Variants in SLC10A7 observed in about 807,000 individuals in gnomAD.
The protein encoded by SLC10A7 is sodium/bile acid cotransporter 7.
A neutral mutation model predicts 43.2 loss-of-function variants in SLC10A7; 29 were observed. The observed-to-expected ratio is 0.67, with a 90% CI of 0.50 to 0.92. The LOEUF is 0.92. Ranked by LOEUF, SLC10A7 falls within the 40% of genes least tolerant of loss-of-function variation. SLC10A7 has a pLI of 0.00. For missense variants in SLC10A7, 295 were observed against 403.2 expected, an observed-to-expected ratio of 0.73 and a Z score of 2.30; for synonymous variants, 152 against 144.8, an observed-to-expected ratio of 1.05 and a Z score of -0.35.
At chr4:146,378,219 G>A (rs555032478) in intron 5 of SLC10A7, among the ~76,000 whole-genome samples, 19 of 152,098 alleles carry the variant, frequency 1.2e-4, no homozygotes, top group Non-Finnish European at 2.6e-4. Flanking sequence ...GCTTTCTTGC[G>A]CCAAAAAAGG....
intron 5 of SLC10A7, among the ~76,000 whole-genome samples, chr4:146,409,739 C>A (rs981650619): frequency 6.6e-6 from 1 of 152,010 alleles, no homozygotes; most frequent in Non-Finnish European, 1.5e-5. Context: ...AGAAATAGAG[C>A]CGTTGTCCTA....
chr4:146,486,290 C>A (rs1240488016), intron 4 of SLC10A7, among the ~76,000 whole-genome samples: 1 of 152,060 alleles, frequency 6.6e-6, no homozygotes, highest in Admixed American at 6.5e-5. Flanking sequence ...TTAAAGCTAG[C>A]CTTTTAATAG....
chr4:146,267,268 C>G (rs1365962213), intron 10 of SLC10A7, among the ~76,000 whole-genome samples: 5 of 152,290 alleles, frequency 3.3e-5, no homozygotes, highest in Admixed American at 3.3e-4. Context: ...CCTGTGAGAT[C>G]AGTCTGGTGC....
chr4:146,401,991 C>CA (rs1739257025), intron 5 of SLC10A7, among the ~76,000 whole-genome samples: 1 of 152,072 alleles, frequency 6.6e-6, no homozygotes, highest in Non-Finnish European at 1.5e-5. Flanking sequence ...ACCACCACTA[C>CA]AAAAAATGTA....
At chr4:146,419,219 G>A (rs1272153260) in intron 5 of SLC10A7, among the ~76,000 whole-genome samples, 3 of 152,188 alleles carry the variant, frequency 2.0e-5, no homozygotes, top group Non-Finnish European at 4.4e-5. Flanking sequence ...CCAGGAGGTT[G>A]GGAAATGGGA....
At chr4:146,334,135 G>T (rs777864758) in intron 5 of SLC10A7, among the ~76,000 whole-genome samples, 1 of 152,050 alleles carries the variant, frequency 6.6e-6, no homozygotes, top group East Asian at 1.9e-4. Context: ...AACTGGGGAT[G>T]CACAGACTCA....
intron 4 of SLC10A7, among the ~76,000 whole-genome samples, chr4:146,469,652 TG>T (rs1023384493): frequency 1.1e-4 from 17 of 152,254 alleles, no homozygotes; most frequent in Admixed American, 1.1e-3. Flanking sequence ...ATGTATTTAT[TG>T]GGTCTTCCTC....
intron 5 of SLC10A7, among the ~76,000 whole-genome samples, chr4:146,343,762 T>A (rs930607972): frequency 4.0e-5 from 6 of 151,888 alleles, no homozygotes; most frequent in Non-Finnish European, 8.8e-5. Flanking sequence ...ATGTTTAACA[T>A]CAATAAAAAA....
chr4:146,461,942 A>G (rs2149938529), intron 4 of SLC10A7, among the ~76,000 whole-genome samples: 1 of 152,100 alleles, frequency 6.6e-6, no homozygotes, highest in Admixed American at 6.6e-5. Flanking sequence ...CAGGAAAATT[A>G]CATCAGCCCC....
At chr4:146,331,367 G>A (rs7691153) in intron 5 of SLC10A7, among the ~76,000 whole-genome samples, 124,538 of 152,208 alleles carry the variant, frequency 0.82, 51,763 homozygotes, top group African/African-American at 0.95. Context: ...GACTATAAAA[G>A]TATATGTTAA....
At chr4:146,485,253 C>T (rs1378321544) in intron 4 of SLC10A7, among the ~76,000 whole-genome samples, 2 of 152,170 alleles carry the variant, frequency 1.3e-5, no homozygotes, top group Admixed American at 6.5e-5. Flanking sequence ...GATACAGCTG[C>T]TGTCCACTGA....
intron 3 of SLC10A7, among the ~76,000 whole-genome samples, chr4:146,508,530 T>C (rs1392763360): frequency 5.9e-5 from 9 of 152,220 alleles, no homozygotes; most frequent in African/African-American, 2.2e-4. Context: ...CCTCCTAACC[T>C]AGTTTTCCCC....
chr4:146,495,313 G>A (rs1014636172), intron 4 of SLC10A7, among the ~76,000 whole-genome samples: 6 of 152,186 alleles, frequency 3.9e-5, no homozygotes, highest in South Asian at 2.1e-4. Flanking sequence ...TTGCTAAAGC[G>A]GAGAAAGTGA....
At chr4:146,287,105 A>AGTGGTGAGAAGGACCGT (rs1560764788) in intron 9 of SLC10A7, among the ~76,000 whole-genome samples, 7 of 66,396 alleles carry the variant, frequency 1.1e-4, no homozygotes, top group Non-Finnish European at 2.1e-4. Flanking sequence ...AGAAGGACCG[A>AGTGGTGAGAAGGACCGT]GTCTGGAGTG....
intron 5 of SLC10A7, among the ~76,000 whole-genome samples, chr4:146,357,258 T>C (rs1735724672): frequency 6.6e-6 from 1 of 152,230 alleles, no homozygotes; most frequent in South Asian, 2.1e-4. Flanking sequence ...ATTTATTCCT[T>C]ATTTTTAAGT....
At chr4:146,335,659 G>A (rs74436964) in intron 5 of SLC10A7, among the ~76,000 whole-genome samples, 9,923 of 151,966 alleles carry the variant, frequency 0.065, 430 homozygotes, top group South Asian at 0.19. Flanking sequence ...GCCCATTATT[G>A]CTCCCATCAA....
chr4:146,372,950 C>G (rs1476489859), intron 5 of SLC10A7, among the ~76,000 whole-genome samples: 1 of 152,058 alleles, frequency 6.6e-6, no homozygotes, highest in Non-Finnish European at 1.5e-5. Context: ...TTTTGATTTG[C>G]TAGAATCCAT....
intron 4 of SLC10A7, among the ~76,000 whole-genome samples, chr4:146,474,900 T>G (rs1733896764): frequency 6.6e-6 from 1 of 152,142 alleles, no homozygotes; most frequent in African/African-American, 2.4e-5. Context: ...TTCCTATATT[T>G]GAAATAAGCC....
intron 5 of SLC10A7, among the ~76,000 whole-genome samples, chr4:146,413,974 G>A (rs1728381219): frequency 6.6e-6 from 1 of 152,160 alleles, no homozygotes; most frequent in Non-Finnish European, 1.5e-5. Flanking sequence ...AACTTTTAAT[G>A]GCCCAGAGAA....
Sources: allele counts gnomAD v4.1 joint callset (sites outside exome capture counted in the v4.1 genomes callset), GRCh38; gene constraint gnomAD v4.1.1; transcripts MANE v1.5; gene names NCBI Gene and HGNC (gene_info 2026-07-23, HGNC 2026-07-21).